Variants in SH3BP4 observed in about 807,000 individuals in gnomAD.
SH3BP4 encodes SH3 domain-binding protein 4.
Under a neutral mutation model 65.5 loss-of-function variants are expected in SH3BP4, and 33 were observed. The ratio of observed to expected loss-of-function variants is 0.50; its 90% CI spans 0.38 to 0.67. The LOEUF (loss-of-function observed/expected upper bound fraction) is 0.67. SH3BP4 is among the 30% of genes least tolerant of loss of function. SH3BP4 has a pLI of 0.00. For synonymous variants in SH3BP4, 552 were observed against 545.5 expected, an observed-to-expected ratio of 1.01 and a Z score of -0.17; for missense variants, 1,134 against 1,261.4, an observed-to-expected ratio of 0.90 and a Z score of 1.53.
chr2:234,952,381 C>A lies in SH3BP4; in HGVS notation c.-207+211C>A, dbSNP rs1692491074. Among the ~76,000 whole-genome samples the A allele has an allele frequency of 6.6e-6, 1 of 150,998 alleles. No individual in the cohort carries two copies. Among genetic ancestry groups the A allele is most frequent in the African/African-American group, 2.4e-5 (1 of 41,272 alleles). On this transcript the variant is annotated intron_variant, in intron 1 of 5. Transcript: ENST00000392011. This position sits in a 1 kb window ranked among gnomAD's most constrained non-coding sequence, Gnocchi z 6.5. ...GCCTCGCGCGCCCCTCGCCGCTCCC[C>A]CGGGCGCTCGGGTCTCCCTGGTGCT... is the stretch of plus-strand genomic sequence containing the variant.
At chr2:234,968,940 T>G (rs1370783714) in intron 1 of SH3BP4, among the ~76,000 whole-genome samples, 3 of 152,234 alleles carry the variant, frequency 2.0e-5, no homozygotes, top group Non-Finnish European at 4.4e-5. Flanking sequence ...ATATTTGGTG[T>G]TGTAACTCAC....
chr2:234,973,770 G>A (rs1693082581), intron 1 of SH3BP4, among the ~76,000 whole-genome samples: 1 of 151,954 alleles, frequency 6.6e-6, no homozygotes, highest in Non-Finnish European at 1.5e-5. Flanking sequence ...TGAGTAGCTG[G>A]GCCCACAGGC....
intron 2 of SH3BP4, among the ~76,000 whole-genome samples, chr2:235,016,730 C>T (rs1237211762): frequency 2.0e-5 from 3 of 152,260 alleles, no homozygotes; most frequent in East Asian, 1.9e-4. Context: ...AGGATGGTCT[C>T]GATCTTCTGA....
rs935769666 is a variant in SH3BP4 at position 234,997,037 on chromosome 2, G to A, written c.-133+1661G>A. Among the ~76,000 whole-genome samples the A allele has an allele frequency of 6.6e-6, 1 of 152,250 alleles. No homozygotes were observed. Among genetic ancestry groups the A allele is most frequent in the African/African-American group, 2.4e-5 (1 of 41,472 alleles). On this transcript the variant is annotated intron_variant, in intron 2 of 5. Coordinates refer to ENST00000392011, the MANE Select transcript of SH3BP4 (RefSeq NM_014521.3). This position sits in a 1 kb window ranked among gnomAD's most constrained non-coding sequence, Gnocchi z 4.2. ...CGCCATCCCACAGCGGTGCCCGCTT[G>A]TCTCCGTGGCGGGCACACAGGCTTC... is the stretch of plus-strand genomic sequence containing the variant.
intron 1 of SH3BP4, among the ~76,000 whole-genome samples, chr2:234,959,927 C>T (rs1212914030): frequency 2.0e-5 from 3 of 152,190 alleles, no homozygotes; most frequent in African/African-American, 4.8e-5. Flanking sequence ...GCTGGGATTA[C>T]AGGCATGAGC....
rs117213817 is a variant in SH3BP4 at position 235,054,869 on chromosome 2, C to T, written c.*1053C>T. The T allele has an allele frequency of 9.2e-5, 14 of 152,328 alleles. No homozygotes were observed. The East Asian group carries it at 1.9e-3, about 21-fold the overall frequency. 9.4% of individuals were successfully genotyped at this position (152,328 alleles called of 1,614,324 possible). A position where few individuals can be genotyped will look rare whatever the true frequency, so the allele number is the denominator to read the frequency against. ...TGCAGAGGTGCCAGCTGCCATTTGC[C>T]AAACTCTGCATTTCATTTCATCTAA... On this transcript the variant is annotated 3_prime_UTR_variant, in exon 6 of 6. Transcript: ENST00000392011.
At chr2:235,005,973 G>A (rs555152678) in intron 2 of SH3BP4, among the ~76,000 whole-genome samples, 4 of 152,232 alleles carry the variant, frequency 2.6e-5, no homozygotes, top group East Asian at 1.9e-4. Context: ...TGTGGGAGGC[G>A]CCAGAGGGAG....
chr2:234,959,626 A>G (rs1160309808), intron 1 of SH3BP4, among the ~76,000 whole-genome samples: 1 of 144,634 alleles, frequency 6.9e-6, no homozygotes, highest in Non-Finnish European at 1.5e-5. Flanking sequence ...CCCATTTTCC[A>G]CTGTTGCCCT....
chr2:235,017,045 CTTT>C (rs995197698), intron 2 of SH3BP4, among the ~76,000 whole-genome samples: 3 of 88,438 alleles, frequency 3.4e-5, no homozygotes, highest in Non-Finnish European at 6.5e-5. Context: ...GTTTGCCTTT[CTTT>C]TTTTTTTTTT....
intron 2 of SH3BP4, among the ~76,000 whole-genome samples, chr2:235,028,662 GA>G (rs1408303463): frequency 6.6e-6 from 1 of 152,192 alleles, no homozygotes; most frequent in African/African-American, 2.4e-5. Flanking sequence ...TTCTCATGGA[GA>G]AATTGGGCCA....
chr2:235,007,892 G>C (rs1694349469), intron 2 of SH3BP4, among the ~76,000 whole-genome samples: 2 of 152,366 alleles, frequency 1.3e-5, no homozygotes, highest in South Asian at 4.1e-4. Flanking sequence ...GAGGAGACCA[G>C]CAGAGCAGGG....
intron 1 of SH3BP4, among the ~76,000 whole-genome samples, chr2:234,990,375 GA>G (rs1693711181): frequency 6.6e-6 from 1 of 152,184 alleles, no homozygotes; most frequent in Non-Finnish European, 1.5e-5. Context: ...AAAAATCTAA[GA>G]AATAGGCTTA....
At position 235,030,552 on chromosome 2, in the gene SH3BP4, CG is replaced by C. The variant is rs1163506177; in HGVS notation, c.-132-4314del. On this transcript the variant is annotated intron_variant, in intron 2 of 5. Coordinates refer to ENST00000392011, the MANE Select transcript of SH3BP4 (RefSeq NM_014521.3). The surrounding 1 kb of genome is among the most constrained non-coding windows in gnomAD (Gnocchi z 4.1). ...GTTGTTAGATGCCGTTAGAATCCAT[CG>C]GGGGAAGTGGGTGATCCAGGGGAGA... Among the ~76,000 whole-genome samples, 4 of 149,740 alleles carry C rather than the reference CG, an allele frequency of 2.7e-5. No homozygotes were observed. Among genetic ancestry groups the C allele is most frequent in the Non-Finnish European group, 5.9e-5 (4 of 67,454 alleles).
rs1164573139 is a variant in SH3BP4 at position 235,046,717 on chromosome 2, T to TTGGA, written c.2478+3472_2478+3473insGATG. Among the ~76,000 whole-genome samples the TTGGA allele has an allele frequency of 6.8e-6, 1 of 146,466 alleles. No individual in the cohort carries two copies. Among genetic ancestry groups the TTGGA allele is most frequent in the Admixed American group, 6.8e-5 (1 of 14,774 alleles). On this transcript the variant is annotated intron_variant, in intron 4 of 5. Coordinates refer to ENST00000392011, the MANE Select transcript of SH3BP4 (RefSeq NM_014521.3). This position sits in a 1 kb window ranked among gnomAD's most constrained non-coding sequence, Gnocchi z 4.2. ...ACTGAGGTACTAGATGGATAAGTGA[T>TTGGA]TGAATGAATGAATGATGGATGAATG...
chr2:234,995,815 G>A (rs1693897420), intron 2 of SH3BP4: 1 of 152,324 alleles, frequency 6.6e-6, no homozygotes, highest in Non-Finnish European at 1.5e-5. Context: ...CACAAAGGAG[G>A]GATTGTTCTC....
chr2:234,955,398 A>G (rs964866893), intron 1 of SH3BP4, among the ~76,000 whole-genome samples: 5 of 152,024 alleles, frequency 3.3e-5, no homozygotes, highest in African/African-American at 1.2e-4. Context: ...CTAGCCCCCA[A>G]ATACCCAGGG....
chr2:235,041,062 C>G lies in SH3BP4; in HGVS notation c.293C>G (p.Thr98Ser), dbSNP rs774252654. The G allele has an allele frequency of 1.2e-6, 2 of 1,614,040 alleles. No individual in the cohort carries two copies. Among genetic ancestry groups the G allele is most frequent in the African/African-American group, 2.7e-5 (2 of 74,916 alleles). The change falls in exon 4 of 6, where the codon ACC becomes AGC. Residue 98 changes from threonine (T) to serine (S), a missense_variant. Coordinates refer to ENST00000392011, the MANE Select transcript of SH3BP4 (RefSeq NM_014521.3). The surrounding 1 kb of genome is among the most constrained non-coding windows in gnomAD (Gnocchi z 6.0). Reference sequence around the variant, plus strand: ...GGTGAGTGGTGGTACGCACACAACACCACCGAAATGGGCTACATCCCCTCC... The same window carrying G: ...GGTGAGTGGTGGTACGCACACAACAGCACCGAAATGGGCTACATCCCCTCC... ...SGGEWWYAHN[T>S]TEMGYIPSSY...
intron 1 of SH3BP4, among the ~76,000 whole-genome samples, chr2:234,961,389 A>G (rs1348575830): frequency 6.6e-6 from 1 of 152,148 alleles, no homozygotes; most frequent in African/African-American, 2.4e-5. Context: ...CTCCTGCTTC[A>G]GCCTCCCAAG....
intron 2 of SH3BP4, among the ~76,000 whole-genome samples, chr2:235,023,595 G>A (rs1485815717): frequency 6.6e-6 from 1 of 152,092 alleles, no homozygotes; most frequent in Non-Finnish European, 1.5e-5. Context: ...TTTATAAAAA[G>A]CGTTTTTGAT....
Sources: allele counts gnomAD v4.1 joint callset (sites outside exome capture counted in the v4.1 genomes callset), GRCh38; gene constraint gnomAD v4.1.1; non-coding constraint Gnocchi (gnomAD v3.1); transcripts MANE v1.5; gene names NCBI Gene and HGNC (gene_info 2026-07-23, HGNC 2026-07-21).